The following VGLL4 variants were observed in gnomAD, a reference collection of about 807,000 sequenced individuals.
VGLL4 encodes vestigial like family member 4.
A neutral mutation model predicts 21.0 loss-of-function variants in VGLL4; 7 were observed. The observed-to-expected ratio is 0.33, with a 90% CI of 0.19 to 0.63. VGLL4 has a LOEUF of 0.63. Among genes scored for constraint, VGLL4 ranks in the 20% least tolerant of loss-of-function variants. The pLI is 0.78. For synonymous variants in VGLL4, 222 were observed against 173.2 expected (o/e 1.28, Z -2.21); for missense variants, 394 against 425.7 (o/e 0.93, Z 0.66).
chr3:11,566,305 G>A (rs892386830), intron 2 of VGLL4, among the ~76,000 whole-genome samples: 10 of 152,186 alleles, frequency 6.6e-5, no homozygotes, highest in East Asian at 1.9e-4. Context: ...AACAACACAC[G>A]GCCATCCCAT....
intron 2 of VGLL4, among the ~76,000 whole-genome samples, chr3:11,702,248 C>T (rs2076690540): frequency 6.6e-6 from 1 of 152,064 alleles, no homozygotes; most frequent in African/African-American, 2.4e-5. Context: ...TTCCAGATCA[C>T]TGATAGTAAC....
At chr3:11,564,720 T>C in intron 3 of VGLL4, 77 bp downstream of exon 3, 11 of 1,354,342 alleles carry the variant, frequency 8.1e-6, no homozygotes, top group Non-Finnish European at 1.1e-5. Flanking sequence ...CTCGGAGTCC[T>C]CTGCTCGGGG....
intron 2 of VGLL4, among the ~76,000 whole-genome samples, chr3:11,689,892 C>T (rs1156386768): frequency 1.3e-5 from 2 of 152,172 alleles, no homozygotes; most frequent in Admixed American, 6.5e-5. Flanking sequence ...CCTCCAGTGG[C>T]GAAGGACGTT....
intron 1 of VGLL4, among the ~76,000 whole-genome samples, chr3:11,629,933 C>T (rs537099661): frequency 5.3e-5 from 8 of 152,254 alleles, no homozygotes; most frequent in African/African-American, 1.7e-4. Flanking sequence ...GGATGAATCA[C>T]TACCAAATAA....
chr3:11,703,158 T>C, intron 1 of VGLL4: 1 of 918,926 alleles, frequency 1.1e-6, no homozygotes, highest in Non-Finnish European at 1.5e-6. Flanking sequence ...ATCATTCTTC[T>C]AAGGATGAAA....
chr3:11,562,646 G>A (rs752885543), intron 3 of VGLL4, among the ~76,000 whole-genome samples: 1 of 152,236 alleles, frequency 6.6e-6, no homozygotes, highest in Non-Finnish European at 1.5e-5. Context: ...CATGGCCTCA[G>A]CCCCGCCACG....
At chr3:11,676,996 AG>A (rs1277068668) in intron 2 of VGLL4, among the ~76,000 whole-genome samples, 1 of 152,222 alleles carries the variant, frequency 6.6e-6, no homozygotes, top group Admixed American at 6.5e-5. Flanking sequence ...AGATAACTAC[AG>A]CTAAAACTGT....
intron 1 of VGLL4, among the ~76,000 whole-genome samples, chr3:11,605,193 GCT>G (rs1291429508): frequency 3.2e-4 from 1 of 3,118 alleles, no homozygotes; most frequent in Non-Finnish European, 1.2e-3. Flanking sequence ...ATCCTCCACA[GCT>G]CTGTGAATTC....
chr3:11,559,459 CG>C lies in VGLL4; in HGVS notation c.496-5del. The C allele has an allele frequency of 6.4e-6, 10 of 1,555,108 alleles. No individual in the cohort carries two copies. Among genetic ancestry groups the C allele is most frequent in the Non-Finnish European group, 8.7e-6 (10 of 1,150,448 alleles). Reference sequence around the variant, plus strand: ...AGGTGATCACGGAGGGCCGGTTCTGCGGGGAGGAGGGGTGTCAGTATGTGGA... The same window carrying C: ...AGGTGATCACGGAGGGCCGGTTCTGCGGGAGGAGGGGTGTCAGTATGTGGA... On this transcript the variant is annotated splice_polypyrimidine_tract_variant and splice_region_variant and intron_variant, in intron 3 of 4. Coordinates refer to ENST00000430365, the MANE Select transcript of VGLL4 (RefSeq NM_001128219.3).
At chr3:11,717,673 T>A (rs997506094) in intron 1 of VGLL4, among the ~76,000 whole-genome samples, 4 of 152,048 alleles carry the variant, frequency 2.6e-5, no homozygotes, top group Non-Finnish European at 4.4e-5. Context: ...TTTTACATAA[T>A]TATCATGTCT....
At chr3:11,606,915 G>A (rs2074957128) in intron 1 of VGLL4, among the ~76,000 whole-genome samples, 1 of 152,156 alleles carries the variant, frequency 6.6e-6, no homozygotes, top group African/African-American at 2.4e-5. Flanking sequence ...ACCTTTAAGA[G>A]CTGTAACACT....
intron 1 of VGLL4, among the ~76,000 whole-genome samples, chr3:11,708,293 TTAGC>T (rs2076789651): frequency 6.6e-6 from 1 of 152,204 alleles, no homozygotes; most frequent in Non-Finnish European, 1.5e-5. Context: ...GTCCACTACT[TTAGC>T]TAGCGTGGTC....
At chr3:11,695,532 G>C (rs776120111) in intron 2 of VGLL4, among the ~76,000 whole-genome samples, 1 of 152,018 alleles carries the variant, frequency 6.6e-6, no homozygotes, top group Non-Finnish European at 1.5e-5. Flanking sequence ...AGGAAATAGG[G>C]GTAGATAAAA....
Position 11,564,930 on chromosome 3 carries a change from A to G in VGLL4, c.362T>C (p.Leu121Pro), listed in dbSNP as rs141837390. The change falls in exon 3 of 5, where the codon CTG (leucine) becomes CCG (proline). Residue 121 changes from leucine to proline, a missense_variant. Coordinates refer to ENST00000430365, the MANE Select transcript of VGLL4 (RefSeq NM_001128219.3). ...IERAVAPTMS[L>P]HGSHLYTSLP... is the part of the protein sequence containing the mutation. ...GGAGGTGTACAGGTGGCTGCCGTGCAGGCTCATGGTGGGGGCCACAGCGCG... is the reference window on the plus strand; with the variant it reads ...GGAGGTGTACAGGTGGCTGCCGTGCGGGCTCATGGTGGGGGCCACAGCGCG... 212 of 1,588,576 alleles carry G rather than the reference A, an allele frequency of 1.3e-4. No individual in the cohort carries two copies. Among genetic ancestry groups the G allele is most frequent in the Non-Finnish European group, 1.7e-4 (204 of 1,167,600 alleles).
chr3:11,646,822 C>T (rs1027326718), upstream of VGLL4, among the ~76,000 whole-genome samples: 3 of 152,122 alleles, frequency 2.0e-5, no homozygotes, highest in Non-Finnish European at 4.4e-5. Context: ...CACGTCTTTC[C>T]CGCTGATCCG....
At position 11,625,729 on chromosome 3, in the gene VGLL4, T is replaced by TG. The variant is rs60766909; in HGVS notation, c.82+17707dup. On this transcript the variant is annotated intron_variant, in intron 1 of 4. Transcript: ENST00000430365. Reference sequence around the variant, plus strand: ...CTTCTTTAAAAACATTTTTTTTTTTTGTAAATAAAATGTGGTACAGCCATA... The same window carrying TG: ...CTTCTTTAAAAACATTTTTTTTTTTTGGTAAATAAAATGTGGTACAGCCATA... Among the ~76,000 whole-genome samples, 458 of 148,856 alleles carry TG rather than the reference T, an allele frequency of 3.1e-3. 4 individuals are homozygous for TG. Among genetic ancestry groups the TG allele is most frequent in the African/African-American group, 0.01 (416 of 40,922 alleles).
intron 1 of VGLL4, among the ~76,000 whole-genome samples, chr3:11,623,105 C>T (rs948739496): frequency 6.6e-6 from 1 of 152,114 alleles, no homozygotes; most frequent in Non-Finnish European, 1.5e-5. Context: ...GATGTCACCT[C>T]ATACATATCC....
At chr3:11,607,429 G>C (rs1178567850) in intron 1 of VGLL4, 3 of 152,160 alleles carry the variant, frequency 2.0e-5, no homozygotes. Flanking sequence ...CTGGGAGAAG[G>C]GGGAATGGGA....
chr3:11,571,384 A>G (rs925918650), intron 2 of VGLL4, among the ~76,000 whole-genome samples: 1 of 152,170 alleles, frequency 6.6e-6, no homozygotes, highest in African/African-American at 2.4e-5. Context: ...TGTTTCCCCC[A>G]TTAACTCTCC....
Sources: gnomAD v4.1 joint callset for allele counts (sites outside exome capture counted in the v4.1 genomes callset) on GRCh38, gnomAD v4.1.1 for gene constraint, MANE v1.5 for transcripts, NCBI Gene and HGNC (gene_info 2026-07-23, HGNC 2026-07-21) for gene names.